CSMD2: variants seen among roughly 807,000 people sequenced by gnomAD.
CSMD2 encodes CUB and sushi domain-containing protein 2.
In CSMD2, 130 loss-of-function variants were observed where a neutral mutation model predicts 398.5. The observed-to-expected ratio is 0.33, with a 90% CI of 0.28 to 0.38. The LOEUF is 0.38. Among genes scored for constraint, CSMD2 ranks in the 10% least tolerant of loss-of-function variants. The probability of loss-of-function intolerance (pLI) is 1.00; values close to 1 mark genes in which losing one functional copy is unlikely to be tolerated. For synonymous variants in CSMD2, 1,828 were observed against 1,908.5 expected (o/e 0.96, Z 1.10); for missense variants, 3,829 against 4,764.9 (o/e 0.80, Z 5.78).
chr1:34,063,724 A>T (rs1654787693), intron 2 of CSMD2, among the ~76,000 whole-genome samples: 1 of 152,156 alleles, frequency 6.6e-6, no homozygotes, highest in Non-Finnish European at 1.5e-5. Context: ...GGTCTGGAAG[A>T]TGGTGGCCCT....
At chr1:33,888,812 G>C (rs1200873768) in intron 5 of CSMD2, among the ~76,000 whole-genome samples, 1 of 150,516 alleles carries the variant, frequency 6.6e-6, no homozygotes, top group Non-Finnish European at 1.5e-5. Flanking sequence ...CTGTCGCCCA[G>C]GCTGGAGTGC....
intron 24 of CSMD2, 152 bp downstream of exon 24, chr1:33,698,601 A>C (rs1162438689): frequency 6.5e-6 from 4 of 613,692 alleles, no homozygotes; most frequent in Non-Finnish European, 1.1e-5. Flanking sequence ...GAAGGGGTGC[A>C]GGTGAACCAT....
intron 2 of CSMD2, among the ~76,000 whole-genome samples, chr1:34,077,212 C>A (rs886856851): frequency 6.6e-6 from 1 of 151,668 alleles, no homozygotes; most frequent in Non-Finnish European, 1.5e-5. Flanking sequence ...AATCCCAGCA[C>A]TTTGGGAGGC....
intron 2 of CSMD2, among the ~76,000 whole-genome samples, chr1:34,050,927 C>T (rs1653102547): frequency 6.6e-6 from 1 of 152,092 alleles, no homozygotes; most frequent in Admixed American, 6.6e-5. Context: ...TATGCTAGCC[C>T]AGAGGTCTTA....
intron 13 of CSMD2, among the ~76,000 whole-genome samples, chr1:33,757,168 G>A (rs1253833095): frequency 6.6e-6 from 1 of 151,416 alleles, no homozygotes; most frequent in African/African-American, 2.4e-5. Flanking sequence ...GGGGTGGGGG[G>A]AGTGGGGAGG....
intron 1 of CSMD2, among the ~76,000 whole-genome samples, chr1:34,119,963 G>A (rs1662000232): frequency 6.6e-6 from 1 of 152,182 alleles, no homozygotes; most frequent in African/African-American, 2.4e-5. Flanking sequence ...AGAGATATTT[G>A]TATACCAATG....
intron 1 of CSMD2, among the ~76,000 whole-genome samples, chr1:34,093,592 C>T (rs1038555195): frequency 1.5e-4 from 22 of 151,568 alleles, no homozygotes; most frequent in Admixed American, 1.2e-3. Context: ...AACCAAGGCT[C>T]GAGAACTACA....
intron 19 of CSMD2, among the ~76,000 whole-genome samples, chr1:33,717,634 A>G (rs1646216363): frequency 6.6e-6 from 1 of 151,816 alleles, no homozygotes; most frequent in African/African-American, 2.4e-5. Context: ...TTGGAAGTTC[A>G]GGATTAAAGG....
chr1:33,877,720 G>C (rs1640937638), intron 5 of CSMD2, among the ~76,000 whole-genome samples: 1 of 152,066 alleles, frequency 6.6e-6, no homozygotes, highest in Admixed American at 6.5e-5. Flanking sequence ...GTAGCTCAAG[G>C]GGGCAAATTG....
At chr1:33,855,261 AGCCAT>A (rs1211050193) in intron 5 of CSMD2, among the ~76,000 whole-genome samples, 4 of 152,172 alleles carry the variant, frequency 2.6e-5, no homozygotes, top group Admixed American at 2.6e-4. Context: ...TGACAGGGGT[AGCCAT>A]GTACATCATA....
intron 13 of CSMD2, among the ~76,000 whole-genome samples, chr1:33,763,517 T>A (rs761609752): frequency 5.3e-5 from 8 of 152,204 alleles, no homozygotes; most frequent in Non-Finnish European, 8.8e-5. Context: ...TTCCTTCTCC[T>A]ATAAAGTACC....
intron 13 of CSMD2, among the ~76,000 whole-genome samples, chr1:33,769,697 T>G (rs1255719717): frequency 6.6e-6 from 1 of 152,160 alleles, no homozygotes; most frequent in Non-Finnish European, 1.5e-5. Context: ...AGAGTTGTTT[T>G]GAAGAAAATG....
At chr1:34,007,400 T>C (rs188142848) in intron 3 of CSMD2, among the ~76,000 whole-genome samples, 8 of 152,312 alleles carry the variant, frequency 5.3e-5, no homozygotes, top group East Asian at 3.9e-4. Context: ...TCCCTCAAGA[T>C]TGGCCTCCTC....
intron 6 of CSMD2, among the ~76,000 whole-genome samples, chr1:33,826,279 C>T (rs974086012): frequency 7.2e-5 from 11 of 152,014 alleles, no homozygotes; most frequent in Admixed American, 6.5e-4. Flanking sequence ...TTTTTTAGCT[C>T]CCTCCATTAC....
At chr1:34,060,174 G>C (rs1030065437) in intron 2 of CSMD2, among the ~76,000 whole-genome samples, 10 of 152,126 alleles carry the variant, frequency 6.6e-5, no homozygotes, top group African/African-American at 2.4e-4. Context: ...CAGTCCCCTG[G>C]GTCAGGGGAA....
intron 2 of CSMD2, among the ~76,000 whole-genome samples, chr1:34,037,053 G>A (rs1352091037): frequency 6.6e-6 from 1 of 152,058 alleles, no homozygotes; most frequent in Non-Finnish European, 1.5e-5. Flanking sequence ...CTGCCTTGTG[G>A]CTACCCAAGA....
rs146337540 is a variant in CSMD2, at chr1:33,763,124, T to C, written c.1846+9445A>G. Among the ~76,000 whole-genome samples the C allele has an allele frequency of 5.0e-4, 76 of 152,270 alleles. 1 individual carries two copies. The highest frequency in any genetic ancestry group is 1.8e-3 in the African/African-American group (73 of 41,560). ...TATCACAACCCCATGTATCTTGGCA[T>C]GACACAAGTATTAGCTAGGAAAAAA... On this transcript the variant is annotated intron_variant, in intron 13 of 70. Coordinates refer to ENST00000373381, the MANE Select transcript of CSMD2 (RefSeq NM_001281956.2).
intron 4 of CSMD2, among the ~76,000 whole-genome samples, chr1:33,918,604 A>G (rs1284016299): frequency 6.6e-6 from 1 of 152,214 alleles, no homozygotes; most frequent in Non-Finnish European, 1.5e-5. Flanking sequence ...ATGAACGTGC[A>G]AGGCATGTCT....
chr1:33,607,724 G>T (rs527982262), intron 41 of CSMD2, among the ~76,000 whole-genome samples: 1 of 152,390 alleles, frequency 6.6e-6, no homozygotes, highest in African/African-American at 2.4e-5. Context: ...GGCTCCACAG[G>T]AGTCCTTGGG....
Sources: gnomAD v4.1 joint callset for allele counts (sites outside exome capture counted in the v4.1 genomes callset) on GRCh38, gnomAD v4.1.1 for gene constraint, MANE v1.5 for transcripts, NCBI Gene and HGNC (gene_info 2026-07-23, HGNC 2026-07-21) for gene names.